Variants in GPHN observed in about 807,000 individuals in gnomAD.
GPHN encodes the protein gephyrin.
GPHN carries 17 observed loss-of-function variants against 95.5 expected under a neutral mutation model. That is an observed-to-expected ratio of 0.18 (90% CI 0.12 to 0.27). The LOEUF (loss-of-function observed/expected upper bound fraction) is 0.27, where lower values mean the gene tolerates loss of function less well. GPHN is among the 10% of genes least tolerant of loss of function. The pLI, the probability that GPHN is intolerant of heterozygous loss-of-function variation, is 1.00. For missense variants in GPHN, 660 were observed against 978.1 expected, an observed-to-expected ratio of 0.67 and a Z score of 4.34; for synonymous variants, 320 against 322.5, an observed-to-expected ratio of 0.99 and a Z score of 0.08.
intron 8 of GPHN, among the ~76,000 whole-genome samples, chr14:66,946,402 C>G (rs1041657254): frequency 6.6e-6 from 1 of 152,032 alleles, no homozygotes; most frequent in Non-Finnish European, 1.5e-5. Context: ...GATATGTTAA[C>G]ACATTTATTT....
At chr14:67,608,380 GC>G in the GPHN span, among the ~76,000 whole-genome samples, 1 of 152,272 alleles carries the variant, frequency 6.6e-6, no homozygotes, top group East Asian at 1.9e-4. Context: ...ATCTAGAGAT[GC>G]TTTAAGGTAT....
At chr14:66,829,638 CA>C (rs1167832481) in intron 4 of GPHN, among the ~76,000 whole-genome samples, 1 of 152,138 alleles carries the variant, frequency 6.6e-6, no homozygotes, top group African/African-American at 2.4e-5. Context: ...AAATAACTTT[CA>C]GTACTTTTAG....
At chr14:67,727,174 G>T in the GPHN span, 1 of 1,613,102 alleles carries the variant, frequency 6.2e-7, no homozygotes, top group Non-Finnish European at 8.5e-7. Flanking sequence ...CTCGTGAGCT[G>T]GCCAAGAGGC....
At chr14:67,311,321 A>G in the GPHN span, among the ~76,000 whole-genome samples, 5 of 151,998 alleles carry the variant, frequency 3.3e-5, no homozygotes, top group Non-Finnish European at 7.4e-5. Context: ...AAAAAAAAAA[A>G]AAAAAAAAAG....
chr14:67,199,195 CA>C, the GPHN span: 1 of 1,606,554 alleles, frequency 6.2e-7, no homozygotes, highest in African/African-American at 1.3e-5. Flanking sequence ...ACCCACATGC[CA>C]AAGGATAGAG....
At chr14:66,644,393 C>T (rs2064613073) in intron 1 of GPHN, among the ~76,000 whole-genome samples, 1 of 152,014 alleles carries the variant, frequency 6.6e-6, no homozygotes, top group African/African-American at 2.4e-5. Flanking sequence ...AGTATCTTTT[C>T]TGATTGCCTT....
At chr14:66,812,931 G>A (rs959514487) in intron 3 of GPHN, among the ~76,000 whole-genome samples, 2 of 152,138 alleles carry the variant, frequency 1.3e-5, no homozygotes, top group Non-Finnish European at 2.9e-5. Flanking sequence ...TTGACTACAA[G>A]AGAGAAACTG....
chr14:66,536,187 A>G (rs1204046354), intron 1 of GPHN, among the ~76,000 whole-genome samples: 3 of 152,164 alleles, frequency 2.0e-5, no homozygotes, highest in Non-Finnish European at 4.4e-5. Context: ...CCTGGCTCAA[A>G]TGATATTCCC....
the GPHN span, chr14:67,388,127 T>A: frequency 2.6e-6 from 2 of 766,598 alleles, no homozygotes; most frequent in East Asian, 5.1e-5. Flanking sequence ...AAAGCCCTGC[T>A]CGGCTCCCAA....
At chr14:67,361,751 A>G in the GPHN span, among the ~76,000 whole-genome samples, 1 of 152,240 alleles carries the variant, frequency 6.6e-6, no homozygotes, top group Non-Finnish European at 1.5e-5. Context: ...AGAACACATA[A>G]GAGTATTATA....
intron 13 of GPHN, 31 bp from the exon 14 acceptor site, chr14:67,110,109 C>T (rs2078283051): frequency 1.9e-6 from 3 of 1,606,762 alleles, no homozygotes; most frequent in Non-Finnish European, 2.6e-6. Context: ...CAGCAAAGTA[C>T]ATCAACTGTC....
intron 2 of GPHN, among the ~76,000 whole-genome samples, chr14:66,717,988 G>A (rs1419710584): frequency 6.6e-6 from 1 of 152,200 alleles, no homozygotes; most frequent in Non-Finnish European, 1.5e-5. Context: ...TTGGCCCCCT[G>A]CCAGGAGGTG....
chr14:67,219,234 T>A, the GPHN span, among the ~76,000 whole-genome samples: 1 of 152,180 alleles, frequency 6.6e-6, no homozygotes, highest in Non-Finnish European at 1.5e-5. Flanking sequence ...GGACTGTAGG[T>A]GTTTTTGGTA....
chr14:67,604,344 T>C, the GPHN span, among the ~76,000 whole-genome samples: 45 of 152,258 alleles, frequency 3.0e-4, no homozygotes, highest in Non-Finnish European at 5.4e-4. Context: ...TAAAGTCCAA[T>C]TTATCAATCT....
At chr14:67,527,919 G>A in the GPHN span, among the ~76,000 whole-genome samples, 1 of 152,182 alleles carries the variant, frequency 6.6e-6, no homozygotes, top group East Asian at 1.9e-4. Context: ...TTTGAGGAGG[G>A]GAGGTCAAGG....
At chr14:66,532,537 G>T (rs2058985453) in intron 1 of GPHN, among the ~76,000 whole-genome samples, 1 of 152,180 alleles carries the variant, frequency 6.6e-6, no homozygotes. Flanking sequence ...CTACCCAAGG[G>T]TGTAAATGCT....
the GPHN span, among the ~76,000 whole-genome samples, chr14:67,665,614 T>C: frequency 1.3e-5 from 2 of 152,136 alleles, no homozygotes; most frequent in Non-Finnish European, 2.9e-5. Context: ...GATGCGTATA[T>C]TCTATAATCT....
At chr14:67,642,353 G>A in the GPHN span, 1 of 1,613,786 alleles carries the variant, frequency 6.2e-7, no homozygotes, top group Non-Finnish European at 8.5e-7. Flanking sequence ...CACACTGGGA[G>A]GAGACCACAG....
chr14:66,961,509 A>T (rs767889801), intron 8 of GPHN, among the ~76,000 whole-genome samples: 2 of 151,946 alleles, frequency 1.3e-5, no homozygotes, highest in African/African-American at 2.4e-5. Flanking sequence ...TTCACACTAG[A>T]TACAACTGCT....
Sources: gnomAD v4.1 joint callset for allele counts (sites outside exome capture counted in the v4.1 genomes callset) on GRCh38, gnomAD v4.1.1 for gene constraint, MANE v1.5 for transcripts, NCBI Gene and HGNC (gene_info 2026-07-23, HGNC 2026-07-21) for gene names.